TLK2: variants seen among roughly 807,000 people sequenced by gnomAD.
TLK2 encodes serine/threonine-protein kinase tousled-like 2.
TLK2 carries 6 observed loss-of-function variants against 117.3 expected under a neutral mutation model. The observed-to-expected ratio is 0.05, with a 90% CI of 0.03 to 0.10. The LOEUF (loss-of-function observed/expected upper bound fraction) is 0.10. Among genes scored for constraint, TLK2 ranks in the 10% least tolerant of loss-of-function variants. The pLI is 1.00. For synonymous variants in TLK2, 257 were observed against 316.7 expected, an observed-to-expected ratio of 0.81 and a Z score of 2.00; for missense variants, 299 against 901.2, an observed-to-expected ratio of 0.33 and a Z score of 8.56.
chr17:62,577,301 T>C (rs1300300425), intron 13 of TLK2, among the ~76,000 whole-genome samples: 1 of 152,110 alleles, frequency 6.6e-6, no homozygotes, highest in Non-Finnish European at 1.5e-5. Context: ...AGCAACCCAA[T>C]GACAGTGTTT....
chr17:62,493,059 T>C (rs990031073), intron 2 of TLK2, among the ~76,000 whole-genome samples: 2 of 152,064 alleles, frequency 1.3e-5, no homozygotes, highest in Non-Finnish European at 2.9e-5. Flanking sequence ...ATCATGCCAC[T>C]GCACTCCAGT....
intron 2 of TLK2, among the ~76,000 whole-genome samples, chr17:62,502,478 C>CA (rs1192338205): frequency 6.6e-6 from 1 of 152,114 alleles, no homozygotes; most frequent in African/African-American, 2.4e-5. Context: ...TATAATACTC[C>CA]AAACAAGTCA....
chr17:62,535,653 C>A (rs1275918002), intron 6 of TLK2, among the ~76,000 whole-genome samples: 2 of 151,926 alleles, frequency 1.3e-5, no homozygotes, highest in Non-Finnish European at 2.9e-5. Flanking sequence ...CCTGTAATCC[C>A]AGCTACTTGG....
intron 2 of TLK2, among the ~76,000 whole-genome samples, chr17:62,493,231 C>T (rs1444842042): frequency 6.6e-6 from 1 of 152,184 alleles, no homozygotes. Context: ...CAGTATTTGT[C>T]CTTTTGACTG....
At chr17:62,534,122 C>G (rs2076951423) in intron 6 of TLK2, among the ~76,000 whole-genome samples, 1 of 152,080 alleles carries the variant, frequency 6.6e-6, no homozygotes, top group Non-Finnish European at 1.5e-5. Flanking sequence ...TCAAGTTTCC[C>G]TGATACTTTT....
At chr17:62,561,459 G>T (rs1007023392) in intron 10 of TLK2, among the ~76,000 whole-genome samples, 6 of 152,216 alleles carry the variant, frequency 3.9e-5, no homozygotes, top group African/African-American at 9.6e-5. Flanking sequence ...TGATCCACCC[G>T]TCTCGGCCTC....
At chr17:62,578,001 C>T (rs1229495471) in intron 13 of TLK2, among the ~76,000 whole-genome samples, 2 of 152,124 alleles carry the variant, frequency 1.3e-5, no homozygotes, top group East Asian at 1.9e-4. Context: ...GAACCGAGAT[C>T]GTGCCATTGC....
chr17:62,495,262 G>GC (rs1567788850), intron 2 of TLK2, among the ~76,000 whole-genome samples: 1 of 151,920 alleles, frequency 6.6e-6, no homozygotes, highest in Non-Finnish European at 1.5e-5. Flanking sequence ...TCTAGCCCGC[G>GC]CAACAGGAGG....
At chr17:62,531,342 T>TTA (rs2076728220) in intron 6 of TLK2, among the ~76,000 whole-genome samples, 1 of 152,248 alleles carries the variant, frequency 6.6e-6, no homozygotes, top group Non-Finnish European at 1.5e-5. Context: ...AGATCCTGTT[T>TTA]TATTGTTTCT....
At chr17:62,581,195 G>A (rs2081192751) in intron 15 of TLK2, among the ~76,000 whole-genome samples, 1 of 152,078 alleles carries the variant, frequency 6.6e-6, no homozygotes, top group Admixed American at 6.6e-5. Flanking sequence ...TAGAGACGGG[G>A]TCTTGCTACA....
intron 16 of TLK2, among the ~76,000 whole-genome samples, chr17:62,590,967 C>T (rs1342393743): frequency 6.6e-6 from 1 of 152,138 alleles, no homozygotes; most frequent in African/African-American, 2.4e-5. Context: ...AATAGAAAAT[C>T]TGGGCAGGGC....
At chr17:62,533,382 G>C (rs1428566739) in intron 6 of TLK2, among the ~76,000 whole-genome samples, 1 of 145,702 alleles carries the variant, frequency 6.9e-6, no homozygotes, top group East Asian at 2.0e-4. Context: ...GTGTGTGTGT[G>C]TGTGTGTGTC....
rs1201882902 is a variant in TLK2 at position 62,536,470 on chromosome 17, T to C, written c.531+133T>C. 5 of 991,558 alleles carry C rather than the reference T, an allele frequency of 5.0e-6. No individual in the cohort carries two copies. The Admixed American group carries it at 9.7e-5, about 19-fold the overall frequency. 61.4% of individuals were successfully genotyped at this position (991,558 alleles called of 1,614,324 possible). A position where few individuals can be genotyped will look rare whatever the true frequency, so the allele number is the denominator to read the frequency against. On this transcript the variant is annotated intron_variant, in intron 7 of 21. Transcript: ENST00000346027. ...TTTTTTAAAATGTGATCTCCCCTTA[T>C]CATCATTCCCAAACATGTCTAATTC...
chr17:62,554,417 T>TA (rs2078694083), intron 9 of TLK2, among the ~76,000 whole-genome samples: 2 of 151,980 alleles, frequency 1.3e-5, no homozygotes, highest in South Asian at 2.1e-4. Context: ...CTGTCTCTAC[T>TA]AAAAAAATAT....
At chr17:62,551,588 C>G (rs767925297) in intron 7 of TLK2, 1 of 152,526 alleles carries the variant, frequency 6.6e-6, no homozygotes. Flanking sequence ...GCCTGTAGTC[C>G]CAGCTACTCG....
At chr17:62,584,823 G>A (rs1213486974) in intron 15 of TLK2, among the ~76,000 whole-genome samples, 1 of 152,146 alleles carries the variant, frequency 6.6e-6, no homozygotes, top group African/African-American at 2.4e-5. Context: ...AGAAACTTAG[G>A]TTTAGATAGA....
At chr17:62,564,961 A>G (rs2146442462) in intron 10 of TLK2, 40 bp from the exon 11 acceptor site, 1 of 1,581,876 alleles carries the variant, frequency 6.3e-7, no homozygotes, top group East Asian at 2.2e-5. Context: ...TATCCATGCT[A>G]ATTGGTATTG....
intron 8 of TLK2, 54 bp from the exon 9 acceptor site, chr17:62,553,609 G>A: frequency 8.2e-7 from 1 of 1,217,250 alleles, no homozygotes; most frequent in South Asian, 1.2e-5. Context: ...AGAGTGTGAT[G>A]ACATATAACA....
At chr17:62,593,766 A>T (rs1189884096) in intron 16 of TLK2, among the ~76,000 whole-genome samples, 2 of 149,496 alleles carry the variant, frequency 1.3e-5, no homozygotes, top group Non-Finnish European at 1.5e-5. Flanking sequence ...TTTTTTTTTT[A>T]ATAAGTAGAA....
Sources: allele counts gnomAD v4.1 joint callset (sites outside exome capture counted in the v4.1 genomes callset), GRCh38; gene constraint gnomAD v4.1.1; transcripts MANE v1.5; gene names NCBI Gene and HGNC (gene_info 2026-07-23, HGNC 2026-07-21).